PRKAG2: variants seen among roughly 807,000 people sequenced by gnomAD.
PRKAG2 encodes the protein protein kinase AMP-activated non-catalytic subunit gamma 2, also known as 5'-AMP-activated protein kinase subunit gamma-2.
In PRKAG2, 26 loss-of-function variants were observed where a neutral mutation model predicts 69.6. That is an observed-to-expected ratio of 0.37 (90% confidence interval 0.27 to 0.52). PRKAG2 has a LOEUF of 0.52. PRKAG2 is among the 20% of genes least tolerant of loss of function. PRKAG2 has a pLI of 0.90. For missense variants in PRKAG2, 557 were observed against 740.0 expected (o/e 0.75, Z 2.87); for synonymous variants, 293 against 285.0 (o/e 1.03, Z -0.28).
At chr7:151,588,730 TG>T (rs1213757121) in intron 6 of PRKAG2, among the ~76,000 whole-genome samples, 1 of 111,550 alleles carries the variant, frequency 9.0e-6, no homozygotes, top group Non-Finnish European at 1.9e-5. Context: ...ATATAAGACA[TG>T]ACTTGCTTCT....
At chr7:151,714,188 G>C (rs1233294222) in intron 3 of PRKAG2, among the ~76,000 whole-genome samples, 1 of 152,190 alleles carries the variant, frequency 6.6e-6, no homozygotes, top group Non-Finnish European at 1.5e-5. Context: ...CTCACAAGAA[G>C]AGCACCTAGC....
At chr7:151,853,759 CAAAAAA>C (rs56098823) in intron 1 of PRKAG2, among the ~76,000 whole-genome samples, 1 of 109,974 alleles carries the variant, frequency 9.1e-6, no homozygotes, top group Admixed American at 9.1e-5. Flanking sequence ...GACTCCGTCT[CAAAAAA>C]AAAAAAAAAA....
intron 3 of PRKAG2, among the ~76,000 whole-genome samples, chr7:151,711,494 C>A (rs1795316985): frequency 6.6e-6 from 1 of 152,172 alleles, no homozygotes. Flanking sequence ...CAGTAATAGG[C>A]ATCACAGTAC....
intron 1 of PRKAG2, among the ~76,000 whole-genome samples, chr7:151,827,764 A>AAAAAAC (rs1312715199): frequency 4.0e-5 from 6 of 150,200 alleles, no homozygotes; most frequent in Non-Finnish European, 7.4e-5. Flanking sequence ...AAAAAAAAAA[A>AAAAAAC]AAAAAAAAAA....
At chr7:151,791,086 G>A (rs1326878220) in intron 1 of PRKAG2, among the ~76,000 whole-genome samples, 1 of 152,202 alleles carries the variant, frequency 6.6e-6, no homozygotes, top group African/African-American at 2.4e-5. Context: ...TGCCTGCCTG[G>A]TCATGCAGCC....
chr7:151,853,633 G>A (rs1272138195), intron 1 of PRKAG2, among the ~76,000 whole-genome samples: 1 of 151,950 alleles, frequency 6.6e-6, no homozygotes, highest in Non-Finnish European at 1.5e-5. Flanking sequence ...GGTGGCGGGT[G>A]CCTGTAGTCC....
At chr7:151,842,334 TA>T in intron 1 of PRKAG2, among the ~76,000 whole-genome samples, 1 of 141,170 alleles carries the variant, frequency 7.1e-6, no homozygotes, top group Non-Finnish European at 1.5e-5. Context: ...TGATGGTAGG[TA>T]GTGATGATGG....
intron 3 of PRKAG2, among the ~76,000 whole-genome samples, chr7:151,698,140 C>T (rs1837009894): frequency 6.6e-6 from 1 of 152,158 alleles, no homozygotes; most frequent in Non-Finnish European, 1.5e-5. Context: ...CTGAGAGTTT[C>T]CTCTGGTGCC....
chr7:151,822,755 G>A (rs575932319), intron 1 of PRKAG2, among the ~76,000 whole-genome samples: 3 of 152,252 alleles, frequency 2.0e-5, no homozygotes, highest in Admixed American at 6.5e-5. Context: ...AGGGTCAGGG[G>A]TGCAGACCCA....
intron 5 of PRKAG2, among the ~76,000 whole-genome samples, chr7:151,602,130 C>T (rs1308756154): frequency 1.3e-5 from 2 of 152,260 alleles, no homozygotes; most frequent in Admixed American, 1.3e-4. Flanking sequence ...CAGCCGCATG[C>T]GCAGTCTCCT....
In PRKAG2 at chr7:151,699,785, A is replaced by G. The variant is rs1336942670; in HGVS notation, c.467-24148T>C. On this transcript the variant is annotated intron_variant, in intron 3 of 15. Coordinates refer to ENST00000287878, the MANE Select transcript of PRKAG2 (RefSeq NM_016203.4). This position sits in a 1 kb window ranked among gnomAD's most constrained non-coding sequence, Gnocchi z 4.5. ...GAAAGCAGGACGAGGAGGCTGGGAC[A>G]CAGCAAGGTGCTCAGGCCCTCAGAG... is the stretch of plus-strand genomic sequence containing the variant. Among the ~76,000 whole-genome samples the G allele has an allele frequency of 6.6e-6, 1 of 152,206 alleles. No individual in the cohort carries two copies. Among genetic ancestry groups the G allele is most frequent in the East Asian group, 1.9e-4 (1 of 5,186 alleles).
chr7:151,875,562 G>GGTGTGTGTGT (rs55660204), intron 1 of PRKAG2, among the ~76,000 whole-genome samples: 5,554 of 130,924 alleles, frequency 0.042, 170 homozygotes, highest in East Asian at 0.077. Context: ...GGAGCACTCT[G>GGTGTGTGTGT]GTGTGTGTGT....
chr7:151,762,000 C>T (rs929749562), intron 3 of PRKAG2, among the ~76,000 whole-genome samples: 5 of 152,250 alleles, frequency 3.3e-5, no homozygotes, highest in South Asian at 2.1e-4. Flanking sequence ...GAAGGGGATA[C>T]TTCTGACTGA....
In PRKAG2 at chr7:151,876,708, C is replaced by T; in HGVS notation, c.-88G>A. 1 of 1,309,400 alleles carries T rather than the reference C, an allele frequency of 7.6e-7. No individual in the cohort carries two copies. The highest frequency in any genetic ancestry group is 1.1e-6 in the Non-Finnish European group (1 of 929,348). 81.1% of individuals were successfully genotyped at this position (1,309,400 alleles called of 1,614,324 possible). On this transcript the variant is annotated 5_prime_UTR_variant, in exon 1 of 16. Transcript: ENST00000287878. ...CCGGCCGCTGCCTTCGGACTGGAGC[C>T]GCGCGCTCTGTTACACCCTGAAGCC...
intron 3 of PRKAG2, among the ~76,000 whole-genome samples, chr7:151,736,917 A>C (rs2073459742): frequency 6.6e-6 from 1 of 152,194 alleles, no homozygotes; most frequent in Non-Finnish European, 1.5e-5. Context: ...TGACTTCCCC[A>C]AGATCCTGTC....
chr7:151,621,811 G>A (rs1179420531), intron 5 of PRKAG2, among the ~76,000 whole-genome samples: 4 of 152,146 alleles, frequency 2.6e-5, no homozygotes, highest in South Asian at 2.1e-4. Context: ...CTGGGCTCAA[G>A]GGATCCTCCC....
chr7:151,688,392 C>T (rs142277535), intron 3 of PRKAG2, among the ~76,000 whole-genome samples: 62 of 152,328 alleles, frequency 4.1e-4, no homozygotes, highest in African/African-American at 1.2e-3. Flanking sequence ...CTGGCAAAGC[C>T]GGTATACACG....
In PRKAG2 at chr7:151,735,769, C is replaced by T. The variant is rs150634735; in HGVS notation, c.466+45383G>A. 226 of 1,266,354 alleles carry T rather than the reference C, an allele frequency of 1.8e-4. 4 individuals carry two copies. The East Asian group carries it at 5.4e-3, about 30-fold the overall frequency. The allele number at this position is 1,266,354 out of a possible 1,614,324, so 78.4% of individuals were successfully genotyped here. Reference sequence around the variant, plus strand: ...ACTTCCCACGTATTCCTCTAACCACCGCCTGATGTTATATCCCAGTTGGAA... The same window carrying T: ...ACTTCCCACGTATTCCTCTAACCACTGCCTGATGTTATATCCCAGTTGGAA... On this transcript the variant is annotated intron_variant, in intron 3 of 15. Coordinates refer to ENST00000287878, the MANE Select transcript of PRKAG2 (RefSeq NM_016203.4).
intron 3 of PRKAG2, among the ~76,000 whole-genome samples, chr7:151,757,672 A>T (rs1415780861): frequency 6.6e-6 from 1 of 151,446 alleles, no homozygotes; most frequent in Non-Finnish European, 1.5e-5. Context: ...TGCCCTAAGA[A>T]CCCCCCAAAC....
Sources: allele counts gnomAD v4.1 joint callset (sites outside exome capture counted in the v4.1 genomes callset), GRCh38; gene constraint gnomAD v4.1.1; non-coding constraint Gnocchi (gnomAD v3.1); transcripts MANE v1.5; gene names NCBI Gene and HGNC (gene_info 2026-07-23, HGNC 2026-07-21).